Variants in TMEM260 observed in about 807,000 individuals in gnomAD.
The protein encoded by TMEM260 is protein O-mannosyl-transferase TMEM260.
Under a neutral mutation model 88.9 loss-of-function variants are expected in TMEM260, and 82 were observed. That is an observed-to-expected ratio of 0.92 (90% CI 0.77 to 1.11). TMEM260 has a LOEUF of 1.11. TMEM260 is among the 50% of genes least tolerant of loss of function. The pLI is 0.00. For synonymous variants in TMEM260, 314 were observed against 309.3 expected (o/e 1.02, Z -0.16); for missense variants, 902 against 853.4 (o/e 1.06, Z -0.71).
downstream of TMEM260, among the ~76,000 whole-genome samples, chr14:56,654,504 G>A (rs1479056230): frequency 6.6e-6 from 1 of 151,986 alleles, no homozygotes; most frequent in Admixed American, 6.6e-5. Context: ...TCTTCTATTT[G>A]GTTCAGCCAC....
intron 1 of TMEM260, 138 bp downstream of exon 1, chr14:56,580,212 T>G (rs1377815918): frequency 1.5e-6 from 1 of 667,104 alleles, no homozygotes; most frequent in Non-Finnish European, 2.1e-6. Flanking sequence ...CACAGCGCAC[T>G]ATTGTGTGTT....
chr14:56,600,069 G>A (rs1886476829), intron 3 of TMEM260, among the ~76,000 whole-genome samples: 1 of 152,192 alleles, frequency 6.6e-6, no homozygotes, highest in South Asian at 2.1e-4. Context: ...AAGGCAGTGT[G>A]TTGAAATATG....
At chr14:56,637,380 T>C (rs915857602) in intron 15 of TMEM260, among the ~76,000 whole-genome samples, 2 of 152,214 alleles carry the variant, frequency 1.3e-5, no homozygotes, top group African/African-American at 4.8e-5. Flanking sequence ...GTCTTTTAAC[T>C]GTGGCCCCAG....
chr14:56,593,953 C>T (rs1201631208), intron 3 of TMEM260, among the ~76,000 whole-genome samples: 1 of 151,858 alleles, frequency 6.6e-6, no homozygotes, highest in African/African-American at 2.4e-5. Context: ...TCCCAAAGTG[C>T]TGGTATTACA....
In TMEM260 at chr14:56,580,126, C is replaced by T; in HGVS notation, c.160+52C>T. The T allele has an allele frequency of 4.8e-6, 6 of 1,238,266 alleles. No homozygotes were observed. The South Asian group carries it at 1.2e-4, about 26-fold the overall frequency. The allele number at this position is 1,238,266 out of a possible 1,614,324, so 76.7% of individuals were successfully genotyped here. Reference sequence around the variant, plus strand: ...CTGTCCCTCTCCCCTGGTCCCAGAACGGGCAGGGTCTGCGTCTGGCCCCTG... The same window carrying T: ...CTGTCCCTCTCCCCTGGTCCCAGAATGGGCAGGGTCTGCGTCTGGCCCCTG... On this transcript the variant is annotated intron_variant, in intron 1 of 15. Transcript: ENST00000261556.
intron 3 of TMEM260, among the ~76,000 whole-genome samples, chr14:56,601,368 T>C (rs989222219): frequency 1.3e-5 from 2 of 152,168 alleles, no homozygotes; most frequent in South Asian, 2.1e-4. Context: ...AGGAATGTTA[T>C]AGAAATGATG....
chr14:56,585,626 C>A, intron 2 of TMEM260, 135 bp from the exon 3 acceptor site: 1 of 792,202 alleles, frequency 1.3e-6, no homozygotes, highest in Non-Finnish European at 2.0e-6. Context: ...CAATAGAAAA[C>A]CACTATTCAA....
chr14:56,603,992 G>T lies in TMEM260; in HGVS notation c.522G>T (p.Lys174Asn). The T allele has an allele frequency of 6.5e-7, 1 of 1,539,282 alleles. No individual in the cohort carries two copies. ...EEAATAKERSKVAKIGAFCCG... is the reference protein window; with the variant it reads ...EEAATAKERSNVAKIGAFCCG... ...CAGCAACTGCTAAGGAGAGATCAAA[G>T]GTAACCTATTTTGATCAAAGTGAAA... Residue 174 changes from lysine (K) to asparagine (N), a missense_variant and splice_region_variant, in exon 4 of 16, where the codon AAG becomes AAT. Lys to Asn is a moderately conservative substitution (Grantham distance 94, BLOSUM62 0). Coordinates refer to ENST00000261556, the MANE Select transcript of TMEM260 (RefSeq NM_017799.4).
chr14:56,645,106 A>G (rs565532618), intron 15 of TMEM260, among the ~76,000 whole-genome samples: 1 of 150,700 alleles, frequency 6.6e-6, no homozygotes, highest in Non-Finnish European at 1.5e-5. Flanking sequence ...GGGATCTAGA[A>G]CTAGAAATAC....
intron 3 of TMEM260, among the ~76,000 whole-genome samples, chr14:56,599,985 A>G (rs1382046755): frequency 6.6e-6 from 1 of 152,232 alleles, no homozygotes; most frequent in Non-Finnish European, 1.5e-5. Context: ...ATGATTAGTC[A>G]GATACAGTAG....
intron 12 of TMEM260, among the ~76,000 whole-genome samples, chr14:56,632,526 C>T (rs1888691471): frequency 6.6e-6 from 1 of 152,146 alleles, no homozygotes; most frequent in Admixed American, 6.5e-5. Flanking sequence ...ACCTTGGTCC[C>T]CTGTGCTACT....
At chr14:56,594,867 C>G (rs990959434) in intron 3 of TMEM260, among the ~76,000 whole-genome samples, 1 of 152,160 alleles carries the variant, frequency 6.6e-6, no homozygotes, top group South Asian at 2.1e-4. Context: ...ATATATAACT[C>G]TGCCAAAAAA....
chr14:56,648,320 T>G lies in TMEM260; in HGVS notation c.*823T>G, dbSNP rs745956280. 6.6e-6 allele frequency: 1 copy of G among 152,410 alleles called. No individual in the cohort carries two copies. The highest frequency in any genetic ancestry group is 1.5e-5 in the Non-Finnish European group (1 of 68,030). The allele number at this position is 152,410 out of a possible 1,614,324, so 9.4% of individuals were successfully genotyped here. Reference sequence around the variant, plus strand: ...AATTCATTTCTGTTACAAGCATCTTTTATACATATTACTAAAGAGAACATA... The same window carrying G: ...AATTCATTTCTGTTACAAGCATCTTGTATACATATTACTAAAGAGAACATA... On this transcript the variant is annotated 3_prime_UTR_variant, in exon 16 of 16. Coordinates refer to ENST00000261556, the MANE Select transcript of TMEM260 (RefSeq NM_017799.4).
downstream of TMEM260, chr14:56,650,294 C>G: frequency 3.1e-6 from 1 of 321,772 alleles, no homozygotes; most frequent in Non-Finnish European, 6.1e-6. Context: ...CTGTCTGACT[C>G]TCCACATGCG....
intron 5 of TMEM260, among the ~76,000 whole-genome samples, chr14:56,606,596 A>G (rs935128959): frequency 6.6e-6 from 1 of 152,198 alleles, no homozygotes; most frequent in African/African-American, 2.4e-5. Flanking sequence ...TGTGACTAAA[A>G]AGTAAGTAAA....
At chr14:56,662,667 G>A in the TMEM260 span, among the ~76,000 whole-genome samples, 917 of 152,294 alleles carry the variant, frequency 6.0e-3, 5 homozygotes, top group African/African-American at 0.021. Context: ...AGGCTTGCCC[G>A]CAAAAACAAT....
intron 12 of TMEM260, among the ~76,000 whole-genome samples, chr14:56,629,062 AT>A: frequency 6.6e-6 from 1 of 151,610 alleles, no homozygotes; most frequent in East Asian, 1.9e-4. Flanking sequence ...AGCCCAGCTA[AT>A]TTTTGTATTT....
At chr14:56,646,785 C>CA (rs1334598142) in intron 15 of TMEM260, among the ~76,000 whole-genome samples, 1 of 150,972 alleles carries the variant, frequency 6.6e-6, no homozygotes, top group African/African-American at 2.4e-5. Flanking sequence ...AAATTTCTGT[C>CA]AAAAATGTGG....
chr14:56,596,116 A>G (rs879692478), intron 3 of TMEM260, among the ~76,000 whole-genome samples: 4 of 152,000 alleles, frequency 2.6e-5, no homozygotes, highest in African/African-American at 7.2e-5. Flanking sequence ...CTTAAACAAA[A>G]TTTACCCCAA....
Sources: gnomAD v4.1 joint callset for allele counts (sites outside exome capture counted in the v4.1 genomes callset) on GRCh38, gnomAD v4.1.1 for gene constraint, MANE v1.5 for transcripts, NCBI Gene and HGNC (gene_info 2026-07-23, HGNC 2026-07-21) for gene names.